The following WDR37 variants were observed in gnomAD, a reference collection of about 807,000 sequenced individuals.
WDR37 encodes the protein WD repeat domain 37, also known as WD repeat-containing protein 37.
Under a neutral mutation model 62.9 loss-of-function variants are expected in WDR37, and 19 were observed. The observed-to-expected ratio is 0.30, with a 90% confidence interval of 0.21 to 0.44. WDR37 has a LOEUF of 0.44. Ranked by LOEUF, WDR37 falls within the 20% of genes least tolerant of loss-of-function variation. The pLI, the probability that WDR37 is intolerant of heterozygous loss-of-function variation, is 1.00. For synonymous variants in WDR37, 250 were observed against 260.9 expected (o/e 0.96, Z 0.40); for missense variants, 474 against 657.6 (o/e 0.72, Z 3.05).
rs907183522 is a variant in WDR37, at chr10:1,108,748, C to T, written c.1103+3481C>T. Among the ~76,000 whole-genome samples the T allele has an allele frequency of 4.3e-5, 6 of 140,864 alleles. 1 individual carries two copies. The highest frequency in any genetic ancestry group is 2.4e-4 in the South Asian group (1 of 4,208). The allele number at this position is 140,864 out of a possible 152,430, so 92.4% of individuals were successfully genotyped here. On this transcript the variant is annotated intron_variant, in intron 11 of 13. Coordinates refer to ENST00000263150, the MANE Select transcript of WDR37 (RefSeq NM_014023.4). ...TTTTGGCTTCTGTGATGCCCCCCCC[C>T]CCCGTGGAACCTGCAGGGCCCTGAG...
intron 7 of WDR37, among the ~76,000 whole-genome samples, chr10:1,089,671 C>G (rs1008016247): frequency 6.6e-6 from 1 of 151,106 alleles, no homozygotes; most frequent in African/African-American, 2.5e-5. Flanking sequence ...GCAGTTCGGC[C>G]TTCCCGTGCT....
intron 1 of WDR37, among the ~76,000 whole-genome samples, chr10:1,066,209 G>T (rs11815047): frequency 6.6e-6 from 1 of 151,954 alleles, no homozygotes; most frequent in Admixed American, 6.5e-5. Flanking sequence ...TCCGCCTCCC[G>T]GGTTGATGCC....
chr10:1,084,378 A>G (rs1261521668), intron 5 of WDR37, 25 bp from the exon 6 acceptor site: 1 of 1,599,072 alleles, frequency 6.3e-7, no homozygotes, highest in Non-Finnish European at 8.6e-7. Flanking sequence ...AAATTGTTTC[A>G]CAAGACTCCC....
At chr10:1,076,768 C>A (rs987607415) in intron 2 of WDR37, among the ~76,000 whole-genome samples, 2 of 151,508 alleles carry the variant, frequency 1.3e-5, no homozygotes, top group East Asian at 3.9e-4. Context: ...ATCAGCCAGG[C>A]ACAGTGGCTC....
At chr10:1,127,853 G>A (rs1564198036) in intron 13 of WDR37, among the ~76,000 whole-genome samples, 2 of 152,250 alleles carry the variant, frequency 1.3e-5, no homozygotes, top group African/African-American at 2.4e-5. Flanking sequence ...CTTCCTGGGT[G>A]GCAATGCTGT....
chr10:1,116,655 GC>G (rs1835411021), intron 11 of WDR37, among the ~76,000 whole-genome samples: 1 of 152,168 alleles, frequency 6.6e-6, no homozygotes, highest in Admixed American at 6.5e-5. Flanking sequence ...TCCATCTGTC[GC>G]CCGTGACAGC....
intron 13 of WDR37, among the ~76,000 whole-genome samples, chr10:1,128,320 G>A (rs1339908080): frequency 6.6e-6 from 1 of 152,240 alleles, no homozygotes; most frequent in African/African-American, 2.4e-5. Context: ...ATGCAGATGG[G>A]TGCTAAGGCA....
intron 2 of WDR37, chr10:1,074,445 T>C: frequency 1.5e-6 from 2 of 1,304,372 alleles, no homozygotes; most frequent in Non-Finnish European, 2.0e-6. Context: ...CCACGCTCGC[T>C]CCCTAGACGG....
At chr10:1,073,990 T>TG (rs1197722561) in intron 2 of WDR37, among the ~76,000 whole-genome samples, 1 of 152,116 alleles carries the variant, frequency 6.6e-6, no homozygotes, top group Non-Finnish European at 1.5e-5. Flanking sequence ...ACTCCTGTGG[T>TG]GGGGGCAGTG....
At chr10:1,113,776 G>T (rs1298045009) in intron 11 of WDR37, among the ~76,000 whole-genome samples, 1 of 152,156 alleles carries the variant, frequency 6.6e-6, no homozygotes, top group Admixed American at 6.5e-5. Flanking sequence ...GCTTCTTATG[G>T]ATGAGCAAAG....
At chr10:1,084,089 G>C (rs1484165817) in intron 5 of WDR37, among the ~76,000 whole-genome samples, 1 of 152,174 alleles carries the variant, frequency 6.6e-6, no homozygotes, top group African/African-American at 2.4e-5. Flanking sequence ...GTTTGGGTTT[G>C]GGGGAGAGGA....
chr10:1,117,364 G>A (rs1190253625), intron 11 of WDR37, among the ~76,000 whole-genome samples: 2 of 152,152 alleles, frequency 1.3e-5, no homozygotes, highest in Non-Finnish European at 2.9e-5. Context: ...GCCTATTGAT[G>A]CATTTTAAAG....
intron 9 of WDR37, among the ~76,000 whole-genome samples, chr10:1,097,199 G>A (rs1188350448): frequency 2.6e-5 from 4 of 152,206 alleles, no homozygotes; most frequent in Admixed American, 1.3e-4. Context: ...CCCAGCCTGT[G>A]TCTGTGACAA....
intron 13 of WDR37, among the ~76,000 whole-genome samples, chr10:1,126,222 G>T (rs180737662): frequency 6.6e-6 from 1 of 151,978 alleles, no homozygotes; most frequent in Non-Finnish European, 1.5e-5. Context: ...TGACTAACAC[G>T]GTGAAACCCT....
chr10:1,125,748 T>C (rs1052370148), intron 13 of WDR37, among the ~76,000 whole-genome samples: 3 of 152,204 alleles, frequency 2.0e-5, no homozygotes, highest in African/African-American at 7.2e-5. Flanking sequence ...AGGTGGGACC[T>C]CTTCCACCTC....
Position 1,103,787 on chromosome 10 carries a change from G to A in WDR37, c.912G>A (p.Thr304=), listed in dbSNP as rs139365960. ...KQAVTASWDR[T]ANLYDVETSE... ...CTGTGACTGCCTCCTGGGACCGGAC[G>A]GCAAACCTGTACGACGTGGAGACGT... The change falls in exon 10 of 14, where the codon ACG becomes ACA. Residue 304 remains threonine (T), a synonymous_variant. Coordinates refer to ENST00000263150, the MANE Select transcript of WDR37 (RefSeq NM_014023.4). This position sits in a 1 kb window ranked among gnomAD's most constrained non-coding sequence, Gnocchi z 6.3. The A allele has an allele frequency of 2.8e-5, 45 of 1,614,088 alleles. No individual in the cohort carries two copies. Among genetic ancestry groups the A allele is most frequent in the Non-Finnish European group, 3.6e-5 (43 of 1,180,050 alleles).
rs1051535076 is a variant in WDR37, at chr10:1,056,466, C to A, written c.-543C>A. On this transcript the variant is annotated 5_prime_UTR_variant, in exon 1 of 14. Coordinates refer to ENST00000263150, the MANE Select transcript of WDR37 (RefSeq NM_014023.4). ...GCACCGCGGCCCTGAGCGCAGGCGG[C>A]CCCGGGTCTCAGGCCTCAGGCGGAC... is the stretch of plus-strand genomic sequence containing the variant. The A allele has an allele frequency of 1.3e-5, 2 of 152,124 alleles. No individual in the cohort carries two copies. Among genetic ancestry groups the A allele is most frequent in the Non-Finnish European group, 1.5e-5 (1 of 68,054 alleles). 9.4% of individuals were successfully genotyped at this position (152,124 alleles called of 1,614,324 possible). A position where few individuals can be genotyped will look rare whatever the true frequency, so the allele number is the denominator to read the frequency against.
intron 13 of WDR37, among the ~76,000 whole-genome samples, chr10:1,128,848 T>C (rs985216970): frequency 2.7e-5 from 4 of 150,920 alleles, no homozygotes; most frequent in Admixed American, 2.0e-4. Flanking sequence ...GTGGTCCTGC[T>C]CAGTGGTCCA....
At chr10:1,126,350 G>T (rs967061326) in intron 13 of WDR37, among the ~76,000 whole-genome samples, 4 of 150,242 alleles carry the variant, frequency 2.7e-5, no homozygotes, top group Admixed American at 2.0e-4. Context: ...AGCTTGCAGT[G>T]AGCTGAGATC....
Sources: gnomAD v4.1 joint callset for allele counts (sites outside exome capture counted in the v4.1 genomes callset) on GRCh38, gnomAD v4.1.1 for gene constraint, Gnocchi (gnomAD v3.1) non-coding constraint, MANE v1.5 for transcripts, NCBI Gene and HGNC (gene_info 2026-07-23, HGNC 2026-07-21) for gene names.